Variants in EPM2A observed in about 807,000 individuals in gnomAD.
EPM2A encodes laforin.
Under a neutral mutation model 26.5 loss-of-function variants are expected in EPM2A, and 21 were observed. The ratio of observed to expected loss-of-function variants is 0.79; its 90% CI spans 0.56 to 1.14. EPM2A has a LOEUF of 1.14. EPM2A is among the 50% of genes most tolerant of loss of function. EPM2A has a pLI of 0.00. For missense variants in EPM2A, 458 were observed against 440.8 expected (o/e 1.04, Z -0.35); for synonymous variants, 217 against 177.6 (o/e 1.22, Z -1.76).
chr6:145,555,658 C>T (rs988589227), intron 2 of EPM2A, among the ~76,000 whole-genome samples: 2 of 152,120 alleles, frequency 1.3e-5, no homozygotes, highest in Non-Finnish European at 2.9e-5. Flanking sequence ...CACACACACG[C>T]ATATGCACAT....
chr6:145,456,927 T>C (rs1779269256), intron 4 of EPM2A, among the ~76,000 whole-genome samples: 1 of 152,128 alleles, frequency 6.6e-6, no homozygotes, highest in African/African-American at 2.4e-5. Flanking sequence ...ACAGATGTTA[T>C]AAAGGAAAAG....
At position 145,544,630 on chromosome 6, in the gene EPM2A, T is replaced by C. The variant is rs116447418; in HGVS notation, c.341-42055A>G. Among the ~76,000 whole-genome samples the C allele has an allele frequency of 2.7e-3, 404 of 152,212 alleles. 6 individuals carry two copies. Among genetic ancestry groups the C allele is most frequent in the African/African-American group, 9.3e-3 (386 of 41,540 alleles). On this transcript the variant is annotated intron_variant, in intron 2 of 3. Transcript: ENST00000450221. ...TTTTTTTTCTTCCTAATAAAAGTGATAGGTTTAGTGCTTTTTAACAGCAGA... is the reference window on the plus strand; with the variant it reads ...TTTTTTTTCTTCCTAATAAAAGTGACAGGTTTAGTGCTTTTTAACAGCAGA...
intron 4 of EPM2A, among the ~76,000 whole-genome samples, chr6:145,421,344 C>CT (rs1227649588): frequency 1.3e-5 from 2 of 151,994 alleles, no homozygotes; most frequent in Non-Finnish European, 2.9e-5. Flanking sequence ...GAATAACAGA[C>CT]TTTTTTTCAT....
chr6:145,585,932 G>C (rs1781190515), intron 2 of EPM2A, among the ~76,000 whole-genome samples: 1 of 152,126 alleles, frequency 6.6e-6, no homozygotes, highest in South Asian at 2.1e-4. Flanking sequence ...TTTCCAGTTT[G>C]GCTCCTAGAA....
chr6:145,510,272 A>G (rs401331), intron 2 of EPM2A, among the ~76,000 whole-genome samples: 54,109 of 151,732 alleles, frequency 0.36, 10,160 homozygotes, highest in South Asian at 0.51. Context: ...ACTGCACCCA[A>G]CAACCACAGA....
intron 2 of EPM2A, among the ~76,000 whole-genome samples, chr6:145,675,295 T>C (rs1779947305): frequency 6.6e-6 from 1 of 152,104 alleles, no homozygotes; most frequent in Non-Finnish European, 1.5e-5. Flanking sequence ...GCACTAAACA[T>C]GGAAAGGAAC....
intron 1 of EPM2A, among the ~76,000 whole-genome samples, chr6:145,697,362 A>C (rs1193979465): frequency 2.0e-5 from 3 of 152,162 alleles, no homozygotes; most frequent in Admixed American, 6.5e-5. Context: ...AGATATCACA[A>C]GGCAAATGGA....
chr6:145,735,277 G>A lies in EPM2A; in HGVS notation c.222C>T (p.Asp74=). ...TGTCCACGCGGCCCGGCTCCGCCCC[G>A]TCCTGCGCCGCCTCCTCGGCCGCCA... is the stretch of plus-strand genomic sequence containing the variant. ...VELAAEEAAQ[D]GAEPGRVDTF... The change falls in exon 1 of 4, where the codon GAC becomes GAT. Residue 74 remains aspartate, a synonymous_variant. Coordinates refer to ENST00000367519, the MANE Select transcript of EPM2A (RefSeq NM_005670.4). The A allele has an allele frequency of 6.7e-7, 1 of 1,500,108 alleles. No homozygotes were observed. The highest frequency in any genetic ancestry group is 1.4e-5 in the African/African-American group (1 of 69,090). 92.9% of individuals were successfully genotyped at this position (1,500,108 alleles called of 1,614,324 possible).
intron 2 of EPM2A, among the ~76,000 whole-genome samples, chr6:145,645,853 C>CA (rs1777422644): frequency 6.6e-6 from 1 of 152,100 alleles, no homozygotes; most frequent in African/African-American, 2.4e-5. Flanking sequence ...CTCGGCCTCT[C>CA]AAAGTGCTAG....
chr6:145,423,980 A>G (rs548214774), intron 4 of EPM2A, among the ~76,000 whole-genome samples: 1 of 152,336 alleles, frequency 6.6e-6, no homozygotes, highest in African/African-American at 2.4e-5. Context: ...CTGATATGAG[A>G]TGAAGCCAAT....
intron 4 of EPM2A, among the ~76,000 whole-genome samples, chr6:145,468,692 T>A (rs1316978410): frequency 1.3e-5 from 2 of 152,074 alleles, no homozygotes; most frequent in Non-Finnish European, 2.9e-5. Context: ...AATAAAACAT[T>A]GGGGAACCTC....
At chr6:145,624,786 T>C (rs933962876), downstream of EPM2A, among the ~76,000 whole-genome samples, 21 of 152,322 alleles carry the variant, frequency 1.4e-4, no homozygotes, top group African/African-American at 4.6e-4. Flanking sequence ...ATTTCCAAAG[T>C]CTTAACCACA....
chr6:145,405,657 C>A (rs1266031330), intron 4 of EPM2A, among the ~76,000 whole-genome samples: 1 of 152,042 alleles, frequency 6.6e-6, no homozygotes, highest in Non-Finnish European at 1.5e-5. Flanking sequence ...AGGATTATTA[C>A]TTTATTTAGG....
chr6:145,705,644 T>C (rs1416512986), intron 1 of EPM2A: 2 of 443,936 alleles, frequency 4.5e-6, no homozygotes, highest in Non-Finnish European at 4.5e-6. Flanking sequence ...TTGTTCACAT[T>C]GTCATCATCT....
At chr6:145,646,039 A>G (rs1031801749) in intron 2 of EPM2A, among the ~76,000 whole-genome samples, 5 of 152,182 alleles carry the variant, frequency 3.3e-5, no homozygotes, top group Non-Finnish European at 7.3e-5. Context: ...TTTCCCTTAA[A>G]CAATGTAAAT....
chr6:145,679,724 C>T (rs1235084188), intron 2 of EPM2A, among the ~76,000 whole-genome samples: 3 of 152,026 alleles, frequency 2.0e-5, no homozygotes, highest in Non-Finnish European at 2.9e-5. Context: ...CAGGCTTCTT[C>T]GTTTACGGAA....
intron 1 of EPM2A, among the ~76,000 whole-genome samples, chr6:145,729,808 G>A (rs1776393082): frequency 6.6e-6 from 1 of 152,142 alleles, no homozygotes; most frequent in Admixed American, 6.5e-5. Context: ...AGAAGGACAG[G>A]AGATTTGGGA....
chr6:145,502,141 T>C (rs977718210), intron 3 of EPM2A, among the ~76,000 whole-genome samples: 3 of 152,152 alleles, frequency 2.0e-5, no homozygotes, highest in African/African-American at 7.2e-5. Flanking sequence ...TTGAAATTGG[T>C]ATAAAGCACA....
intron 2 of EPM2A, among the ~76,000 whole-genome samples, chr6:145,515,172 C>T (rs1780108252): frequency 6.6e-6 from 1 of 152,156 alleles, no homozygotes; most frequent in African/African-American, 2.4e-5. Flanking sequence ...GAGCAATAAT[C>T]AGAGAAAAAC....
Sources: gnomAD v4.1 joint callset for allele counts (sites outside exome capture counted in the v4.1 genomes callset) on GRCh38, gnomAD v4.1.1 for gene constraint, MANE v1.5 for transcripts, NCBI Gene and HGNC (gene_info 2026-07-23, HGNC 2026-07-21) for gene names.